The following USP20 variants were observed in gnomAD, a reference collection of about 807,000 sequenced individuals.
The protein encoded by USP20 is ubiquitin carboxyl-terminal hydrolase 20.
In USP20, 80 loss-of-function variants were observed where a neutral mutation model predicts 124.2. That is an observed-to-expected ratio of 0.64 (90% CI 0.54 to 0.78). USP20 has a LOEUF of 0.78. Among genes scored for constraint, USP20 ranks in the 30% least tolerant of loss-of-function variants. The probability of loss-of-function intolerance (pLI) is 0.00; values close to 1 mark genes in which losing one functional copy is unlikely to be tolerated. For synonymous variants in USP20, 481 were observed against 512.3 expected (o/e 0.94, Z 0.83); for missense variants, 1,043 against 1,244.4 (o/e 0.84, Z 2.44).
At chr9:129,846,686 C>T (rs548204994) in intron 1 of USP20, among the ~76,000 whole-genome samples, 97 of 150,402 alleles carry the variant, frequency 6.4e-4, no homozygotes, top group Non-Finnish European at 1.3e-3. Context: ...TGCAGTGGCA[C>T]GATCTTCTTG....
chr9:129,876,275 A>AGCCTCTGCCT, intron 22 of USP20, 37 bp downstream of exon 22: 1 of 1,556,598 alleles, frequency 6.4e-7, no homozygotes, highest in Non-Finnish European at 8.8e-7. Context: ...CGGCTCTGCC[A>AGCCTCTGCCT]GCCTCTGCCT....
intron 1 of USP20, among the ~76,000 whole-genome samples, chr9:129,849,580 C>A (rs565370127): frequency 6.6e-6 from 1 of 152,168 alleles, no homozygotes; most frequent in African/African-American, 2.4e-5. Flanking sequence ...GACAACAAAA[C>A]AAGACCCTGT....
rs749897946 is a variant in USP20 at position 129,868,985 on chromosome 9, C to T, written c.1259C>T (p.Ser420Leu). ...PRASPVRMAP[S>L]YVLKKAQVLS... ...GCAAGCCCCGTGAGGATGGCACCGT[C>T]GTACGTGCTCAAGAAAGGTTCGGGG... Residue 420 changes from serine to leucine, a missense_variant, in exon 12 of 26, where the codon TCG (serine) becomes TTG (leucine). Transcript: ENST00000372429. 3.7e-6 allele frequency: 6 copies of T among 1,610,324 alleles called. No individual in the cohort carries two copies. Among genetic ancestry groups the T allele is most frequent in the Admixed American group, 1.7e-5 (1 of 59,474 alleles).
At chr9:129,837,888 A>G (rs936369144) in intron 1 of USP20, among the ~76,000 whole-genome samples, 1 of 152,110 alleles carries the variant, frequency 6.6e-6, no homozygotes. Flanking sequence ...TTTAGAGTGT[A>G]CACCCTGAAC....
chr9:129,879,755 C>T lies in USP20; in HGVS notation c.2584+111C>T, dbSNP rs2034562765. Reference sequence around the variant, plus strand: ...CCTTACCACCTGTCTTAGAGTCAGGCTGAGACGTCCACCTGAGTCCAGACC... The same window carrying T: ...CCTTACCACCTGTCTTAGAGTCAGGTTGAGACGTCCACCTGAGTCCAGACC... On this transcript the variant is annotated intron_variant, in intron 24 of 25. Transcript: ENST00000372429. This position sits in a 1 kb window ranked among gnomAD's most constrained non-coding sequence, Gnocchi z 4.2. 7.9e-7 allele frequency: 1 copy of T among 1,264,600 alleles called. No homozygotes were observed. The highest frequency in any genetic ancestry group is 1.1e-6 in the Non-Finnish European group (1 of 887,436). The allele number at this position is 1,264,600 out of a possible 1,614,324, so 78.3% of individuals were successfully genotyped here.
Position 129,873,858 on chromosome 9 carries a change from C to A in USP20, c.1740+114C>A, listed in dbSNP as rs369323434. On this transcript the variant is annotated intron_variant, in intron 17 of 25. Transcript: ENST00000372429. ...CTCGGGCACTTCTGTGCTGCAGGGG[C>A]CGTGGAGACTCCATAGCTTTGGCTG... 8.6e-6 allele frequency: 11 copies of A among 1,285,954 alleles called. No individual in the cohort carries two copies. The South Asian group carries it at 1.0e-4, about 12-fold the overall frequency. 79.7% of individuals were successfully genotyped at this position (1,285,954 alleles called of 1,614,324 possible).
intron 9 of USP20, 24 bp downstream of exon 9, chr9:129,863,323 T>C (rs2900279): frequency 0.9 from 1,377,432 of 1,526,018 alleles, 622,821 homozygotes; most frequent in East Asian, 1. Context: ...TCCCTAGCCT[T>C]GGGCGGTGTG....
At chr9:129,861,757 C>G in intron 8 of USP20, 145 bp downstream of exon 8, 1 of 687,640 alleles carries the variant, frequency 1.5e-6, no homozygotes, top group Non-Finnish European at 2.5e-6. Flanking sequence ...ACCCTTTGAC[C>G]CAGCAATCCT....
At chr9:129,856,787 C>T (rs1214727820) in intron 4 of USP20, among the ~76,000 whole-genome samples, 2 of 152,182 alleles carry the variant, frequency 1.3e-5, no homozygotes, top group African/African-American at 4.8e-5. Flanking sequence ...TGACAGCTGA[C>T]AACCGTCCCC....
chr9:129,878,465 T>G, intron 23 of USP20, 25 bp downstream of exon 23: 1 of 1,564,806 alleles, frequency 6.4e-7, no homozygotes, highest in South Asian at 1.2e-5. Context: ...GACCTGGCAC[T>G]TACCTGCCCT....
chr9:129,848,953 A>C (rs4836673), intron 1 of USP20, among the ~76,000 whole-genome samples: 17 of 152,350 alleles, frequency 1.1e-4, no homozygotes, highest in Admixed American at 9.1e-4. Context: ...ACATCTGGGA[A>C]ACTGTGACCT....
chr9:129,852,350 A>G (rs2032968036), intron 2 of USP20, among the ~76,000 whole-genome samples, 190 bp from the exon 3 acceptor site: 1 of 152,240 alleles, frequency 6.6e-6, no homozygotes, highest in African/African-American at 2.4e-5. Context: ...GGAGCGACCC[A>G]CTGGGGCAAC....
At position 129,879,231 on chromosome 9, in the gene USP20, A is replaced by G; in HGVS notation, c.2513-342A>G. Reference sequence around the variant, plus strand: ...CCAGGCCTCGGCTCTGTCTCTGTAAACCTCTGTCTTGTCCTGTGGTTGCCG... The same window carrying G: ...CCAGGCCTCGGCTCTGTCTCTGTAAGCCTCTGTCTTGTCCTGTGGTTGCCG... On this transcript the variant is annotated intron_variant, in intron 23 of 25. Coordinates refer to ENST00000372429, the MANE Select transcript of USP20 (RefSeq NM_001110303.4). This position sits in a 1 kb window ranked among gnomAD's most constrained non-coding sequence, Gnocchi z 4.2. The G allele has an allele frequency of 3.6e-6, 1 of 280,138 alleles. No individual in the cohort carries two copies. Among genetic ancestry groups the G allele is most frequent in the Non-Finnish European group, 6.7e-6 (1 of 148,874 alleles). The allele number at this position is 280,138 out of a possible 1,614,324, so 17.4% of individuals were successfully genotyped here. A position where few individuals can be genotyped will look rare whatever the true frequency, so the allele number is the denominator to read the frequency against.
chr9:129,862,335 C>T (rs537957942), intron 8 of USP20, among the ~76,000 whole-genome samples: 9 of 152,142 alleles, frequency 5.9e-5, no homozygotes, highest in Admixed American at 3.9e-4. Context: ...AGATGGATCA[C>T]CAGGTCAGGA....
At chr9:129,865,203 CCA>C in intron 9 of USP20, 98 bp from the exon 10 acceptor site, 1 of 1,305,238 alleles carries the variant, frequency 7.7e-7, no homozygotes, top group Non-Finnish European at 1.1e-6. Context: ...TCAGGAAACG[CCA>C]CACTCTGATC....
At chr9:129,844,623 CAAAAAAAA>C (rs1191781066) in intron 1 of USP20, among the ~76,000 whole-genome samples, 5,030 of 72,536 alleles carry the variant, frequency 0.069, 304 homozygotes, top group African/African-American at 0.23. Flanking sequence ...GACTCTGTCT[CAAAAAAAA>C]AAAAAAAAAA....
intron 22 of USP20, 29 bp downstream of exon 22, chr9:129,876,267 G>GCTCTGCCAGC (rs779477091): frequency 3.8e-6 from 6 of 1,573,764 alleles, no homozygotes; most frequent in East Asian, 2.3e-5. Context: ...CGCGGGGGCG[G>GCTCTGCCAGC]CTCTGCCAGC....
In USP20 at chr9:129,875,697, G is replaced by A. The variant is rs1179185393; in HGVS notation, c.2300+56G>A. 1.9e-6 allele frequency: 3 copies of A among 1,560,632 alleles called. No homozygotes were observed. In the African/African-American group the frequency reaches 4.1e-5, roughly 21 times the overall value. On this transcript the variant is annotated intron_variant, in intron 21 of 25. Coordinates refer to ENST00000372429, the MANE Select transcript of USP20 (RefSeq NM_001110303.4). ...TCCTGTCCAGGGCCCAGCTGGGCAGGAAAAGAGGGGAGGGCAGGGAAGGAA... is the reference window on the plus strand; with the variant it reads ...TCCTGTCCAGGGCCCAGCTGGGCAGAAAAAGAGGGGAGGGCAGGGAAGGAA...
At chr9:129,876,294 T>C in intron 22 of USP20, 56 bp downstream of exon 22, 1 of 1,430,426 alleles carries the variant, frequency 7.0e-7, no homozygotes, top group South Asian at 1.2e-5. Flanking sequence ...CTGGGGCAGC[T>C]GGGGACTTGG....
Sources: gnomAD v4.1 joint callset for allele counts (sites outside exome capture counted in the v4.1 genomes callset) on GRCh38, gnomAD v4.1.1 for gene constraint, Gnocchi (gnomAD v3.1) non-coding constraint, MANE v1.5 for transcripts, NCBI Gene and HGNC (gene_info 2026-07-23, HGNC 2026-07-21) for gene names.